PTPRD: variants seen among roughly 807,000 people sequenced by gnomAD.
The protein encoded by PTPRD is protein tyrosine phosphatase receptor type D.
PTPRD carries 34 observed loss-of-function variants against 214.5 expected under a neutral mutation model. That is an observed-to-expected ratio of 0.16 (90% confidence interval 0.12 to 0.21). The LOEUF (loss-of-function observed/expected upper bound fraction) is 0.21, where lower values mean the gene tolerates loss of function less well. Among genes scored for constraint, PTPRD ranks in the 10% least tolerant of loss-of-function variants. The pLI is 1.00. For missense variants in PTPRD, 2,545 were observed against 2,398.7 expected (o/e 1.06, Z -1.27); for synonymous variants, 1,128 against 845.7 (o/e 1.33, Z -5.79).
intron 3 of PTPRD, among the ~76,000 whole-genome samples, chr9:10,059,288 G>A (rs957443143): frequency 3.9e-5 from 6 of 152,054 alleles, no homozygotes; most frequent in East Asian, 1.9e-4. Flanking sequence ...TCCATGTTGC[G>A]CAATACTCAT....
chr9:9,163,187 T>A (rs1031868691), intron 10 of PTPRD, among the ~76,000 whole-genome samples: 1 of 152,168 alleles, frequency 6.6e-6, no homozygotes, highest in Non-Finnish European at 1.5e-5. Context: ...CTTCAAAATC[T>A]GTAAACTGAT....
intron 11 of PTPRD, among the ~76,000 whole-genome samples, chr9:8,758,848 G>C (rs2094205823): frequency 6.6e-6 from 1 of 151,762 alleles, no homozygotes. Context: ...ACCACGCTTG[G>C]CTAATTTTTT....
At chr9:8,950,900 C>A (rs928950566) in intron 11 of PTPRD, among the ~76,000 whole-genome samples, 1 of 151,892 alleles carries the variant, frequency 6.6e-6, no homozygotes, top group Non-Finnish European at 1.5e-5. Flanking sequence ...CTGACCACGG[C>A]AAATATACTG....
intron 14 of PTPRD, among the ~76,000 whole-genome samples, chr9:8,628,965 C>T (rs556588981): frequency 1.3e-5 from 2 of 151,866 alleles, no homozygotes; most frequent in East Asian, 3.9e-4. Context: ...GTATATCATA[C>T]CCTGTTCTGT....
chr9:8,813,935 C>A (rs963974868), intron 11 of PTPRD, among the ~76,000 whole-genome samples: 1 of 152,180 alleles, frequency 6.6e-6, no homozygotes, highest in Non-Finnish European at 1.5e-5. Flanking sequence ...AGTTATTTCT[C>A]TTAGGTGCTT....
At chr9:9,029,171 TTTA>T (rs1184164208) in intron 10 of PTPRD, among the ~76,000 whole-genome samples, 18 of 151,962 alleles carry the variant, frequency 1.2e-4, no homozygotes, top group Non-Finnish European at 2.6e-4. Flanking sequence ...ACTTCACATA[TTTA>T]TTGTTACATT....
chr9:9,281,583 A>C (rs1376107541), intron 9 of PTPRD, among the ~76,000 whole-genome samples: 2 of 151,358 alleles, frequency 1.3e-5, no homozygotes, highest in African/African-American at 2.4e-5. Context: ...TCCACAATGC[A>C]AAATATTAAC....
intron 11 of PTPRD, among the ~76,000 whole-genome samples, chr9:8,748,062 A>T (rs2093037803): frequency 1.3e-5 from 2 of 152,154 alleles, no homozygotes; most frequent in African/African-American, 4.8e-5. Context: ...GATGTTAACG[A>T]CATTGAAGGC....
At chr9:9,344,763 T>A (rs2048188451) in intron 9 of PTPRD, among the ~76,000 whole-genome samples, 2 of 152,012 alleles carry the variant, frequency 1.3e-5, no homozygotes, top group South Asian at 4.2e-4. Flanking sequence ...ATATTTTTTA[T>A]TTTGAAAAAG....
intron 4 of PTPRD, among the ~76,000 whole-genome samples, chr9:9,973,405 G>C (rs1443854402): frequency 6.6e-6 from 1 of 151,446 alleles, no homozygotes; most frequent in Non-Finnish European, 1.5e-5. Context: ...CAGGAGACAA[G>C]AGTTTTCAGT....
chr9:8,690,256 G>A (rs1004056871), intron 12 of PTPRD, among the ~76,000 whole-genome samples: 7 of 151,932 alleles, frequency 4.6e-5, no homozygotes, highest in South Asian at 2.1e-4. Context: ...GGCCGGGTGC[G>A]GAGGCTTGTG....
At chr9:8,712,907 C>T (rs1024209794) in intron 12 of PTPRD, among the ~76,000 whole-genome samples, 52 of 152,154 alleles carry the variant, frequency 3.4e-4, no homozygotes, top group African/African-American at 1.1e-3. Flanking sequence ...TTAGTAGAGA[C>T]GGGGTTTCAC....
chr9:10,190,981 G>C (rs1005443575), intron 3 of PTPRD, among the ~76,000 whole-genome samples: 1 of 152,020 alleles, frequency 6.6e-6, no homozygotes, highest in African/African-American at 2.4e-5. Context: ...CCTTTATTTA[G>C]TCAATGTAAG....
intron 35 of PTPRD, among the ~76,000 whole-genome samples, chr9:8,408,830 G>A (rs866443598): frequency 6.6e-6 from 1 of 152,056 alleles, no homozygotes; most frequent in Non-Finnish European, 1.5e-5. Flanking sequence ...CAACTCAAAG[G>A]CTTTGCTTAC....
At chr9:9,727,567 A>G (rs1410133613) in intron 7 of PTPRD, among the ~76,000 whole-genome samples, 1 of 152,202 alleles carries the variant, frequency 6.6e-6, no homozygotes, top group East Asian at 1.9e-4. Flanking sequence ...TCACTCTTCC[A>G]TGTAGTCCAA....
At chr9:8,728,517 T>C (rs1277873282) in intron 12 of PTPRD, among the ~76,000 whole-genome samples, 2 of 152,186 alleles carry the variant, frequency 1.3e-5, no homozygotes, top group Non-Finnish European at 2.9e-5. Context: ...ATCTTTTTAA[T>C]AAGATATGTT....
At chr9:10,252,403 C>A (rs968216230) in intron 3 of PTPRD, among the ~76,000 whole-genome samples, 15 of 152,120 alleles carry the variant, frequency 9.9e-5, no homozygotes, top group Non-Finnish European at 1.8e-4. Context: ...AAGCCAACAA[C>A]TCCAGATAGG....
chr9:8,694,883 C>A (rs535589162), intron 12 of PTPRD, among the ~76,000 whole-genome samples: 3 of 152,328 alleles, frequency 2.0e-5, no homozygotes, highest in African/African-American at 7.2e-5. Context: ...AGCACTGCTA[C>A]AGTCCCAAAC....
chr9:9,940,671 T>C (rs993683238), intron 4 of PTPRD, among the ~76,000 whole-genome samples: 9 of 152,144 alleles, frequency 5.9e-5, no homozygotes, highest in African/African-American at 2.2e-4. Flanking sequence ...CCTGTTGAAA[T>C]ACAAAAATAA....
Sources: gnomAD v4.1 joint callset for allele counts (sites outside exome capture counted in the v4.1 genomes callset) on GRCh38, gnomAD v4.1.1 for gene constraint, MANE v1.5 for transcripts, NCBI Gene and HGNC (gene_info 2026-07-23, HGNC 2026-07-21) for gene names.